The following ZBTB20 variants were observed in gnomAD, a reference collection of about 807,000 sequenced individuals.
The protein encoded by ZBTB20 is zinc finger and BTB domain containing 20.
A neutral mutation model predicts 56.9 loss-of-function variants in ZBTB20; 9 were observed. The ratio of observed to expected loss-of-function variants is 0.16; its 90% CI spans 0.10 to 0.28. The LOEUF (loss-of-function observed/expected upper bound fraction) is 0.28, where lower values mean the gene tolerates loss of function less well. Ranked by LOEUF, ZBTB20 falls within the 10% of genes least tolerant of loss-of-function variation. The probability of loss-of-function intolerance (pLI) is 1.00; values close to 1 mark genes in which losing one functional copy is unlikely to be tolerated. For synonymous variants in ZBTB20, 417 were observed against 420.7 expected (o/e 0.99, Z 0.11); for missense variants, 655 against 1,003.0 (o/e 0.65, Z 4.69).
intron 4 of ZBTB20, among the ~76,000 whole-genome samples, chr3:114,814,685 G>A (rs768942781): frequency 1.1e-4 from 17 of 152,070 alleles, no homozygotes; most frequent in Admixed American, 2.6e-4. Context: ...TTCTGTGCAC[G>A]AATAAAATAA....
chr3:114,868,452 C>A (rs1252233001), intron 4 of ZBTB20, among the ~76,000 whole-genome samples: 1 of 152,140 alleles, frequency 6.6e-6, no homozygotes, highest in African/African-American at 2.4e-5. Context: ...CCCAAAGCAT[C>A]AAAACTAATA....
intron 6 of ZBTB20, among the ~76,000 whole-genome samples, chr3:114,611,678 T>C (rs987837555): frequency 2.6e-5 from 4 of 152,156 alleles, no homozygotes; most frequent in African/African-American, 9.7e-5. Context: ...TGCTGTTAAA[T>C]GTTGTTTGAA....
intron 6 of ZBTB20, among the ~76,000 whole-genome samples, chr3:114,692,416 A>G (rs552096595): frequency 3.3e-4 from 51 of 152,316 alleles, no homozygotes; most frequent in Non-Finnish European, 6.2e-4. Flanking sequence ...TGGATTATGC[A>G]CAATGGATAT....
At chr3:114,446,041 T>C (rs1397104725) in intron 7 of ZBTB20, among the ~76,000 whole-genome samples, 1 of 152,108 alleles carries the variant, frequency 6.6e-6, no homozygotes, top group African/African-American at 2.4e-5. Flanking sequence ...CGTTTGTTCT[T>C]TTTATGGTCA....
intron 2 of ZBTB20, among the ~76,000 whole-genome samples, chr3:115,054,483 C>G (rs991761311): frequency 3.9e-5 from 6 of 152,100 alleles, no homozygotes; most frequent in Non-Finnish European, 8.8e-5. Flanking sequence ...TACTCAGTAG[C>G]AGCATTAGAA....
chr3:114,503,440 T>A (rs2044236234), intron 6 of ZBTB20, among the ~76,000 whole-genome samples: 1 of 152,228 alleles, frequency 6.6e-6, no homozygotes, highest in Non-Finnish European at 1.5e-5. Context: ...ATCTGCTATG[T>A]AATTCTGAGA....
chr3:114,731,481 A>G (rs554430863), intron 5 of ZBTB20, among the ~76,000 whole-genome samples: 1 of 152,172 alleles, frequency 6.6e-6, no homozygotes, highest in Non-Finnish European at 1.5e-5. Context: ...ATCTGGACTC[A>G]TGTCATCTGC....
chr3:114,373,990 C>T (rs1003598677), intron 10 of ZBTB20, among the ~76,000 whole-genome samples: 2 of 151,904 alleles, frequency 1.3e-5, no homozygotes, highest in African/African-American at 4.8e-5. Flanking sequence ...ATAAGTGTGT[C>T]CCCAAATGCA....
In ZBTB20 at chr3:114,350,767, A is replaced by T. The variant is rs2080595409; in HGVS notation, c.1311T>A (p.Asn437Lys). 1 of 1,613,922 alleles carries T rather than the reference A, an allele frequency of 6.2e-7. No individual in the cohort carries two copies. Among genetic ancestry groups the T allele is most frequent in the South Asian group, 1.1e-5 (1 of 91,076 alleles). The change falls in exon 11 of 12, where the codon AAT becomes AAA. Residue 437 changes from asparagine to lysine, a missense_variant. Physicochemically the swap from Asn to Lys is moderately conservative, Grantham distance 94. Around this residue, in one of 10 missense-constraint regions of ZBTB20, gnomAD observed 156 missense variants for 181.0 expected, o/e 0.86. Coordinates refer to ENST00000675478, the MANE Select transcript of ZBTB20 (RefSeq NM_001348800.3). The stretch of plus-strand genomic sequence containing the variant: ...TAACAGTGCTGTCCATCTCCACTTC[A>T]TTGCTTCTCTCCGGAGAGGAAGCAC... ...ETGASSPERS[N>K]EVEMDSTVIT...
intron 7 of ZBTB20, among the ~76,000 whole-genome samples, chr3:114,393,784 C>T (rs2086096316): frequency 1.3e-5 from 2 of 152,208 alleles, no homozygotes; most frequent in Admixed American, 1.3e-4. Context: ...CTGCTTCTTA[C>T]ATCATCACTG....
intron 2 of ZBTB20, among the ~76,000 whole-genome samples, chr3:115,029,252 C>T (rs1001792970): frequency 3.3e-5 from 5 of 150,708 alleles, no homozygotes; most frequent in Admixed American, 2.0e-4. Context: ...ATTAAGACAT[C>T]TTCCAGATGA....
chr3:115,126,441 A>C (rs1173448537), intron 1 of ZBTB20, among the ~76,000 whole-genome samples: 4 of 152,168 alleles, frequency 2.6e-5, no homozygotes, highest in African/African-American at 9.7e-5. Flanking sequence ...GCCACAATAA[A>C]AGGGAAACAA....
intron 1 of ZBTB20, among the ~76,000 whole-genome samples, chr3:115,078,773 C>T (rs548605605): frequency 1.9e-4 from 29 of 151,780 alleles, no homozygotes; most frequent in East Asian, 7.7e-4. Context: ...ATCAAGAGCT[C>T]GGCACCTTAT....
intron 5 of ZBTB20, among the ~76,000 whole-genome samples, chr3:114,796,427 G>A (rs1421377972): frequency 2.6e-5 from 4 of 151,976 alleles, no homozygotes; most frequent in Non-Finnish European, 2.9e-5. Flanking sequence ...ATTGATTAGG[G>A]ATTGTTATAC....
rs971519333 is a variant in ZBTB20 at position 114,533,483 on chromosome 3, G to T, written c.-294-33092C>A. Among the ~76,000 whole-genome samples the T allele has an allele frequency of 1.9e-4, 29 of 152,166 alleles. No homozygotes were observed. The Middle Eastern group carries it at 0.01, about 54-fold the overall frequency. ...ATGAACAAACCTCCAAGAAATATGG[G>T]ACTATGTGAAAAGACCAAACCTACG... is the stretch of plus-strand genomic sequence containing the variant. On this transcript the variant is annotated intron_variant, in intron 6 of 11. Transcript: ENST00000675478.
At chr3:115,106,834 C>T (rs76489865) in intron 1 of ZBTB20, among the ~76,000 whole-genome samples, 5,206 of 152,162 alleles carry the variant, frequency 0.034, 188 homozygotes, top group Admixed American at 0.12. Context: ...AGAGACCCTA[C>T]TTATTAAGCT....
chr3:114,957,472 A>C (rs1396222118), intron 3 of ZBTB20, among the ~76,000 whole-genome samples: 1 of 152,184 alleles, frequency 6.6e-6, no homozygotes, highest in African/African-American at 2.4e-5. Context: ...ATTTAAATGC[A>C]TTTATCTCTG....
rs1266905393 is a variant in ZBTB20, at chr3:114,325,596, GAAC to G, written c.*13406_*13408del. On this transcript the variant is annotated 3_prime_UTR_variant, in exon 12 of 12. Transcript: ENST00000675478. ...AATTGTAATAATGAGAGATAGGCAA[GAAC>G]AACAAGGGGTGAGTAGTGCTAACTT... 6.6e-6 allele frequency: 1 copy of G among 152,152 alleles called. No homozygotes were observed. The highest frequency in any genetic ancestry group is 6.5e-5 in the Admixed American group (1 of 15,276). The allele number at this position is 152,152 out of a possible 1,614,324, so 9.4% of individuals were successfully genotyped here.
intron 6 of ZBTB20, among the ~76,000 whole-genome samples, chr3:114,587,027 A>C (rs2055250254): frequency 1.8e-5 from 2 of 110,012 alleles, no homozygotes; most frequent in African/African-American, 3.7e-5. Context: ...ATGAAGTCTC[A>C]CTCTTGTCAC....
Sources: gnomAD v4.1 joint callset for allele counts (sites outside exome capture counted in the v4.1 genomes callset) on GRCh38, gnomAD v4.1.1 for gene constraint, gnomAD v4.1.1 regional missense constraint, MANE v1.5 for transcripts, NCBI Gene and HGNC (gene_info 2026-07-23, HGNC 2026-07-21) for gene names.